The following NRXN1 variants were observed in gnomAD, a reference collection of about 807,000 sequenced individuals.
The protein encoded by NRXN1 is neurexin-1.
Under a neutral mutation model 150.9 loss-of-function variants are expected in NRXN1, and 39 were observed. The observed-to-expected ratio is 0.26, with a 90% confidence interval of 0.20 to 0.34. The LOEUF is 0.34. NRXN1 is among the 10% of genes least tolerant of loss of function. NRXN1 has a pLI of 1.00. For synonymous variants in NRXN1, 924 were observed against 757.0 expected, an observed-to-expected ratio of 1.22 and a Z score of -3.62; for missense variants, 1,815 against 1,949.9, an observed-to-expected ratio of 0.93 and a Z score of 1.30.
At chr2:49,948,218 C>T (rs951252375) in intron 21 of NRXN1, among the ~76,000 whole-genome samples, 3 of 152,026 alleles carry the variant, frequency 2.0e-5, no homozygotes, top group Admixed American at 1.3e-4. Context: ...AAATTATTTA[C>T]GCAATACAAG....
intron 22 of NRXN1, among the ~76,000 whole-genome samples, chr2:49,922,476 T>A (rs147994450): frequency 6.6e-6 from 1 of 152,224 alleles, no homozygotes; most frequent in East Asian, 1.9e-4. Flanking sequence ...TCTTCACAAA[T>A]CAATTTTGTT....
At chr2:50,543,725 T>G (rs1250325735) in intron 9 of NRXN1, among the ~76,000 whole-genome samples, 1 of 152,160 alleles carries the variant, frequency 6.6e-6, no homozygotes, top group African/African-American at 2.4e-5. Context: ...TCCATTAACT[T>G]TTCTATCCTA....
intron 18 of NRXN1, among the ~76,000 whole-genome samples, chr2:50,235,384 T>C (rs902588382): frequency 5.3e-5 from 8 of 152,188 alleles, no homozygotes; most frequent in Non-Finnish European, 8.8e-5. Flanking sequence ...TCTTGAGAAC[T>C]ACATTTTAAA....
intron 5 of NRXN1, among the ~76,000 whole-genome samples, chr2:50,678,161 C>T (rs554071871): frequency 2.5e-4 from 38 of 152,094 alleles, no homozygotes; most frequent in Non-Finnish European, 4.6e-4. Flanking sequence ...TTTATCAAGT[C>T]ACCATTCTAA....
intron 21 of NRXN1, among the ~76,000 whole-genome samples, chr2:49,959,028 C>T (rs1675463635): frequency 6.6e-6 from 1 of 152,192 alleles, no homozygotes; most frequent in Admixed American, 6.6e-5. Context: ...CTGTTAGTTT[C>T]TTCCAAATGC....
At chr2:50,167,455 A>T (rs553550995) in intron 18 of NRXN1, among the ~76,000 whole-genome samples, 1 of 152,108 alleles carries the variant, frequency 6.6e-6, no homozygotes, top group Non-Finnish European at 1.5e-5. Context: ...ATATTTTAAG[A>T]AAACAGCTAC....
intron 5 of NRXN1, among the ~76,000 whole-genome samples, chr2:50,738,179 G>T (rs1698999268): frequency 1.3e-5 from 2 of 152,128 alleles, no homozygotes; most frequent in Admixed American, 6.6e-5. Flanking sequence ...GAAACTGCTG[G>T]TTTTATGAAG....
intron 18 of NRXN1, among the ~76,000 whole-genome samples, chr2:50,148,502 T>A (rs953739762): frequency 3.3e-5 from 5 of 151,728 alleles, no homozygotes; most frequent in African/African-American, 1.2e-4. Flanking sequence ...ATTGCTCATG[T>A]CATCAATCTA....
At chr2:50,744,850 G>A (rs753846737) in intron 5 of NRXN1, among the ~76,000 whole-genome samples, 3 of 152,142 alleles carry the variant, frequency 2.0e-5, no homozygotes, top group Non-Finnish European at 4.4e-5. Flanking sequence ...GGAGTAGTAT[G>A]AGATAAAATT....
At chr2:50,126,664 G>A (rs1044606808) in intron 18 of NRXN1, among the ~76,000 whole-genome samples, 6 of 151,422 alleles carry the variant, frequency 4.0e-5, no homozygotes, top group Admixed American at 1.3e-4. Context: ...TTCTTTTTTC[G>A]TCCCTTTTCT....
At chr2:50,881,488 A>G (rs112227260) in intron 5 of NRXN1, among the ~76,000 whole-genome samples, 17 of 152,058 alleles carry the variant, frequency 1.1e-4, no homozygotes, top group African/African-American at 3.9e-4. Context: ...ATAACTAATT[A>G]AACATTAAGA....
intron 21 of NRXN1, among the ~76,000 whole-genome samples, chr2:50,046,574 CT>C (rs1691843161): frequency 6.6e-6 from 1 of 152,100 alleles, no homozygotes; most frequent in Non-Finnish European, 1.5e-5. Flanking sequence ...TATGAAATTT[CT>C]ATTTTTTATA....
At chr2:50,576,215 G>C (rs749636507) in intron 8 of NRXN1, among the ~76,000 whole-genome samples, 1 of 152,070 alleles carries the variant, frequency 6.6e-6, no homozygotes, top group East Asian at 1.9e-4. Context: ...ACTACAAATA[G>C]ATCAGAAAAA....
intron 19 of NRXN1, among the ~76,000 whole-genome samples, chr2:50,085,442 C>T (rs1460058778): frequency 6.6e-6 from 1 of 152,076 alleles, no homozygotes; most frequent in East Asian, 1.9e-4. Flanking sequence ...ATTAGTCAAA[C>T]ATTTCCCATA....
chr2:50,174,877 A>G (rs1258636284), intron 18 of NRXN1: 1 of 152,220 alleles, frequency 6.6e-6, no homozygotes, highest in Non-Finnish European at 1.5e-5. Context: ...AATTTAAAAA[A>G]TCATAATAAT....
At chr2:50,067,401 C>A (rs1352044648) in intron 19 of NRXN1, among the ~76,000 whole-genome samples, 4 of 152,092 alleles carry the variant, frequency 2.6e-5, no homozygotes, top group Non-Finnish European at 4.4e-5. Flanking sequence ...TACAGGTAAC[C>A]TTGTGAATTT....
At chr2:49,970,935 A>G (rs1037746969) in intron 21 of NRXN1, among the ~76,000 whole-genome samples, 27 of 152,058 alleles carry the variant, frequency 1.8e-4, no homozygotes, top group African/African-American at 6.3e-4. Context: ...AATAAAAGGC[A>G]CCACTTGATC....
chr2:50,618,583 G>A (rs1297262944), intron 8 of NRXN1, among the ~76,000 whole-genome samples: 1 of 151,834 alleles, frequency 6.6e-6, no homozygotes, highest in South Asian at 2.1e-4. Context: ...AGACTTCCTC[G>A]ATTAAGATTT....
chr2:50,049,260 T>C (rs1344158480), intron 21 of NRXN1, among the ~76,000 whole-genome samples: 1 of 152,184 alleles, frequency 6.6e-6, no homozygotes, highest in Non-Finnish European at 1.5e-5. Flanking sequence ...GGCCACATGA[T>C]GGAAGACAGA....
Sources: allele counts gnomAD v4.1 joint callset (sites outside exome capture counted in the v4.1 genomes callset), GRCh38; gene constraint gnomAD v4.1.1; transcripts MANE v1.5; gene names NCBI Gene and HGNC (gene_info 2026-07-23, HGNC 2026-07-21).